The following DPYD variants were observed in gnomAD, a reference collection of about 807,000 sequenced individuals.
DPYD encodes the protein dihydropyrimidine dehydrogenase [NADP(+)].
DPYD carries 109 observed loss-of-function variants against 116.2 expected under a neutral mutation model. The observed-to-expected ratio is 0.94, with a 90% CI of 0.80 to 1.10. The LOEUF (loss-of-function observed/expected upper bound fraction) is 1.10, where lower values mean the gene tolerates loss of function less well. Ranked by LOEUF, DPYD falls within the 50% of genes least tolerant of loss-of-function variation. The pLI, the probability that DPYD is intolerant of heterozygous loss-of-function variation, is 0.00. For synonymous variants in DPYD, 440 were observed against 432.0 expected (o/e 1.02, Z -0.23); for missense variants, 1,302 against 1,254.5 (o/e 1.04, Z -0.57).
At chr1:97,240,514 T>A (rs537507507) in intron 18 of DPYD, among the ~76,000 whole-genome samples, 1 of 152,098 alleles carries the variant, frequency 6.6e-6, no homozygotes, top group African/African-American at 2.4e-5. Context: ...AAGTCCACAA[T>A]AAACTCCCTG....
chr1:97,261,111 CTT>C (rs989186192), intron 18 of DPYD, among the ~76,000 whole-genome samples: 5 of 152,082 alleles, frequency 3.3e-5, no homozygotes, highest in Admixed American at 6.6e-5. Context: ...ATTGTGAAGA[CTT>C]AGTCTAGAAT....
intron 16 of DPYD, among the ~76,000 whole-genome samples, chr1:97,368,574 T>C (rs1671160207): frequency 2.0e-5 from 3 of 152,150 alleles, no homozygotes. Context: ...CTCACTCCAT[T>C]TATAGCTCCT....
In DPYD at chr1:97,651,510, C is replaced by A. The variant is rs1166139389; in HGVS notation, c.850+27585G>T. Among the ~76,000 whole-genome samples, 3 of 152,108 alleles carry A rather than the reference C, an allele frequency of 2.0e-5. No homozygotes were observed. The East Asian group carries it at 5.8e-4, about 29-fold the overall frequency. The stretch of plus-strand genomic sequence containing the variant: ...CGCTGCAAGGCTGCCGTTCATTAAT[C>A]AAACATTATCATTTTCTATCAGTGC... On this transcript the variant is annotated intron_variant, in intron 8 of 22. Coordinates refer to ENST00000370192, the MANE Select transcript of DPYD (RefSeq NM_000110.4).
chr1:97,718,082 C>T (rs1662713285), intron 5 of DPYD, among the ~76,000 whole-genome samples: 1 of 152,122 alleles, frequency 6.6e-6, no homozygotes, highest in Admixed American at 6.6e-5. Flanking sequence ...TTACTTCCCA[C>T]CAGCAATGTG....
intron 7 of DPYD, among the ~76,000 whole-genome samples, chr1:97,687,470 A>C (rs1261908079): frequency 6.6e-6 from 1 of 152,212 alleles, no homozygotes; most frequent in African/African-American, 2.4e-5. Context: ...TTAAAAAGTC[A>C]AGAAACAACA....
intron 22 of DPYD, among the ~76,000 whole-genome samples, chr1:97,079,850 T>TC (rs904664268): frequency 6.6e-6 from 1 of 152,164 alleles, no homozygotes; most frequent in Non-Finnish European, 1.5e-5. Flanking sequence ...CAATTTTCCT[T>TC]CCCCCGTCTT....
intron 20 of DPYD, among the ~76,000 whole-genome samples, chr1:97,117,125 C>T (rs528342782): frequency 2.0e-5 from 3 of 151,954 alleles, no homozygotes; most frequent in South Asian, 4.2e-4. Flanking sequence ...GATCACACCA[C>T]TGCATTCCAG....
intron 20 of DPYD, among the ~76,000 whole-genome samples, chr1:97,141,875 G>A (rs1240207850): frequency 1.3e-5 from 2 of 152,214 alleles, no homozygotes; most frequent in East Asian, 1.9e-4. Flanking sequence ...TCCGGGGTCA[G>A]GGGAGGAGTT....
chr1:97,373,537 A>C lies in DPYD; in HGVS notation c.2058+24T>G, dbSNP rs374959253. 9 of 1,601,796 alleles carry C rather than the reference A, an allele frequency of 5.6e-6. No individual in the cohort carries two copies. In the African/African-American group the frequency reaches 1.2e-4, roughly 21 times the overall value. ...CCTGTTATGTCACACTGACATACTT[A>C]GTGGCAGCTGTCAAGGTCCTTACCT... On this transcript the variant is annotated intron_variant, in intron 16 of 22. Transcript: ENST00000370192.
chr1:97,527,164 T>C (rs925577131), intron 12 of DPYD, among the ~76,000 whole-genome samples: 25 of 151,748 alleles, frequency 1.6e-4, no homozygotes, highest in African/African-American at 4.8e-5. Context: ...CTGCAAGATC[T>C]ACCTCCCGGG....
chr1:97,831,735 A>G (rs936753754), intron 2 of DPYD, among the ~76,000 whole-genome samples: 1 of 151,922 alleles, frequency 6.6e-6, no homozygotes, highest in Non-Finnish European at 1.5e-5. Flanking sequence ...AAAAAGAGAA[A>G]AGGGGACAGA....
chr1:97,194,598 G>A (rs375953783), intron 19 of DPYD, among the ~76,000 whole-genome samples: 1 of 151,888 alleles, frequency 6.6e-6, no homozygotes, highest in Non-Finnish European at 1.5e-5. Context: ...TCCACCTCCC[G>A]GGTTCAAGCA....
chr1:97,397,289 A>T (rs190314880), intron 14 of DPYD, among the ~76,000 whole-genome samples: 1 of 152,160 alleles, frequency 6.6e-6, no homozygotes, highest in East Asian at 1.9e-4. Flanking sequence ...ATGTAGTAGT[A>T]GTAGCAGCTG....
chr1:97,391,045 C>CTTTT, intron 14 of DPYD, among the ~76,000 whole-genome samples: 1 of 117,652 alleles, frequency 8.5e-6, no homozygotes, highest in East Asian at 3.3e-4. Flanking sequence ...ACTTACTTTT[C>CTTTT]CTCTTTTTTT....
At chr1:97,636,423 A>G (rs1657565246) in intron 8 of DPYD, among the ~76,000 whole-genome samples, 2 of 152,056 alleles carry the variant, frequency 1.3e-5, no homozygotes, top group African/African-American at 4.8e-5. Context: ...TACCCTGGGC[A>G]AGTCACCCGA....
At chr1:97,093,375 G>T (rs139729028) in intron 21 of DPYD, among the ~76,000 whole-genome samples, 41 of 152,194 alleles carry the variant, frequency 2.7e-4, no homozygotes, top group African/African-American at 9.9e-4. Context: ...AGAGCTTTAT[G>T]TATTTCTATT....
intron 11 of DPYD, among the ~76,000 whole-genome samples, chr1:97,572,632 T>C (rs1025185853): frequency 6.6e-6 from 1 of 151,998 alleles, no homozygotes; most frequent in Non-Finnish European, 1.5e-5. Flanking sequence ...TTTTCCTTCC[T>C]GAATTCAGTT....
At chr1:97,223,314 G>A (rs181975901) in intron 19 of DPYD, among the ~76,000 whole-genome samples, 89 of 151,798 alleles carry the variant, frequency 5.9e-4, no homozygotes, top group Middle Eastern at 3.4e-3. Flanking sequence ...TGCCCACTAT[G>A]CTTCATCTTT....
At chr1:97,594,956 G>T in intron 9 of DPYD, 103 bp downstream of exon 9, 2 of 915,236 alleles carry the variant, frequency 2.2e-6, no homozygotes, top group Non-Finnish European at 3.4e-6. Context: ...GCAAGGTTGG[G>T]TGTGAGAGCT....
Sources: allele counts gnomAD v4.1 joint callset (sites outside exome capture counted in the v4.1 genomes callset), GRCh38; gene constraint gnomAD v4.1.1; transcripts MANE v1.5; gene names NCBI Gene and HGNC (gene_info 2026-07-23, HGNC 2026-07-21).